The following DISC1 variants were observed in gnomAD, a reference collection of about 807,000 sequenced individuals.
DISC1 encodes DISC1 scaffold protein.
A neutral mutation model predicts 84.5 loss-of-function variants in DISC1; 57 were observed. The observed-to-expected ratio is 0.67, with a 90% CI of 0.55 to 0.84. The LOEUF (loss-of-function observed/expected upper bound fraction) is 0.84, where lower values mean the gene tolerates loss of function less well. Among genes scored for constraint, DISC1 ranks in the 40% least tolerant of loss-of-function variants. The pLI, the probability that DISC1 is intolerant of heterozygous loss-of-function variation, is 0.00. For missense variants in DISC1, 1,000 were observed against 1,057.8 expected, an observed-to-expected ratio of 0.95 and a Z score of 0.76; for synonymous variants, 411 against 415.2, an observed-to-expected ratio of 0.99 and a Z score of 0.12.
chr1:231,645,069 C>T (rs969025552), intron 1 of DISC1, among the ~76,000 whole-genome samples: 1 of 152,086 alleles, frequency 6.6e-6, no homozygotes, highest in Non-Finnish European at 1.5e-5. Flanking sequence ...TTTTCTGGAT[C>T]CACATTTCTG....
chr1:231,986,618 CA>C (rs1476240691), intron 10 of DISC1, among the ~76,000 whole-genome samples: 1 of 152,182 alleles, frequency 6.6e-6, no homozygotes, highest in Non-Finnish European at 1.5e-5. Flanking sequence ...ATATTTGCTA[CA>C]AAATGTCTTT....
At chr1:231,906,886 TGAATAACTACATTACAAA>T (rs2088701006) in intron 9 of DISC1, among the ~76,000 whole-genome samples, 1 of 152,152 alleles carries the variant, frequency 6.6e-6, no homozygotes, top group African/African-American at 2.4e-5. Context: ...ATCCCATGAG[TGAATAACTACATTACAAA>T]TTTTGTCTCG....
At chr1:231,968,841 G>C (rs927985029) in intron 10 of DISC1, among the ~76,000 whole-genome samples, 5 of 152,066 alleles carry the variant, frequency 3.3e-5, no homozygotes, top group African/African-American at 1.2e-4. Context: ...CTAGATTCAA[G>C]GGTGGCCATT....
At chr1:231,752,523 A>G (rs2074718324) in intron 4 of DISC1, among the ~76,000 whole-genome samples, 1 of 152,206 alleles carries the variant, frequency 6.6e-6, no homozygotes, top group African/African-American at 2.4e-5. Context: ...GTCATCTTCC[A>G]CCAGGCCCTG....
intron 10 of DISC1, among the ~76,000 whole-genome samples, chr1:231,965,543 C>T (rs1660981436): frequency 6.6e-6 from 1 of 152,222 alleles, no homozygotes; most frequent in Admixed American, 6.5e-5. Flanking sequence ...TCTCCCACAG[C>T]CAGAATGACT....
At chr1:231,844,239 A>C (rs73091796) in intron 9 of DISC1, among the ~76,000 whole-genome samples, 17,351 of 152,232 alleles carry the variant, frequency 0.11, 1,189 homozygotes, top group African/African-American at 0.18. Context: ...TGGTTTTCAC[A>C]GCCCCTCTTC....
intron 9 of DISC1, among the ~76,000 whole-genome samples, chr1:231,918,674 A>G (rs1375866035): frequency 2.0e-5 from 3 of 152,178 alleles, no homozygotes; most frequent in African/African-American, 7.2e-5. Context: ...TTAGGAGAAA[A>G]ATATCTCTTT....
chr1:231,699,813 T>C (rs910641562), intron 2 of DISC1, among the ~76,000 whole-genome samples: 1 of 152,240 alleles, frequency 6.6e-6, no homozygotes, highest in African/African-American at 2.4e-5. Context: ...ATGTCTCTTC[T>C]TGACACAGTC....
chr1:231,998,097 T>G (rs1463085415), intron 10 of DISC1, among the ~76,000 whole-genome samples: 14 of 152,134 alleles, frequency 9.2e-5, no homozygotes, highest in Non-Finnish European at 1.9e-4. Context: ...AATCAAAGAA[T>G]GCAAAGTTTA....
At chr1:231,780,252 G>GAAAAAAAAAAAAAAAAAAAAA (rs34768925) in intron 6 of DISC1, among the ~76,000 whole-genome samples, 7 of 120,232 alleles carry the variant, frequency 5.8e-5, no homozygotes, top group Non-Finnish European at 1.0e-4. Flanking sequence ...AAAAAAAAAA[G>GAAAAAAAAAAAAAAAAAAAAA]AAAAGGAAAG....
chr1:231,960,245 C>CTTATTTAT (rs541805835), intron 10 of DISC1, among the ~76,000 whole-genome samples: 1 of 151,860 alleles, frequency 6.6e-6, no homozygotes, highest in African/African-American at 2.4e-5. Flanking sequence ...TTACCTTCTT[C>CTTATTTAT]TTATTTATTT....
intron 6 of DISC1, among the ~76,000 whole-genome samples, chr1:231,783,365 G>A (rs2077577804): frequency 6.6e-6 from 1 of 152,144 alleles, no homozygotes; most frequent in Non-Finnish European, 1.5e-5. Flanking sequence ...TGAGGAAGGG[G>A]TAGAAAGGAG....
chr1:231,647,176 C>T (rs1368853618), intron 1 of DISC1, among the ~76,000 whole-genome samples: 2 of 152,122 alleles, frequency 1.3e-5, no homozygotes, highest in Non-Finnish European at 2.9e-5. Flanking sequence ...AGGTTTTCTT[C>T]TAGGGTTTTT....
intron 3 of DISC1, among the ~76,000 whole-genome samples, chr1:231,715,810 AT>A (rs1394232315): frequency 6.6e-6 from 1 of 152,138 alleles, no homozygotes; most frequent in African/African-American, 2.4e-5. Context: ...ATTTTAGTAT[AT>A]TGTTAGTTGA....
intron 6 of DISC1, among the ~76,000 whole-genome samples, chr1:231,779,022 C>T (rs1424920163): frequency 6.6e-6 from 1 of 152,148 alleles, no homozygotes; most frequent in Non-Finnish European, 1.5e-5. Context: ...AACAGACTCT[C>T]GGTGGCAATA....
intron 4 of DISC1, chr1:231,750,404 G>T: frequency 9.0e-7 from 1 of 1,116,968 alleles, no homozygotes; most frequent in Non-Finnish European, 1.1e-6. Flanking sequence ...GCAGCTTGGT[G>T]TCCTGTGATC....
At chr1:231,783,117 T>A (rs1053586863) in intron 6 of DISC1, among the ~76,000 whole-genome samples, 7 of 152,270 alleles carry the variant, frequency 4.6e-5, no homozygotes, top group East Asian at 3.9e-4. Context: ...AGCCTGGATG[T>A]AGTATCATTT....
chr1:231,789,751 AATTCC>A (rs1394613310), intron 6 of DISC1, among the ~76,000 whole-genome samples: 1 of 152,088 alleles, frequency 6.6e-6, no homozygotes, highest in Non-Finnish European at 1.5e-5. Context: ...TATTGACTTA[AATTCC>A]ATTTGCCCTT....
intron 1 of DISC1, 96 bp from the exon 2 acceptor site, chr1:231,693,730 G>C (rs2065313570): frequency 1.3e-6 from 2 of 1,586,536 alleles, no homozygotes; most frequent in East Asian, 2.2e-5. Flanking sequence ...TGTACTGAGA[G>C]ATGACCTTTA....
Sources: gnomAD v4.1 joint callset for allele counts (sites outside exome capture counted in the v4.1 genomes callset) on GRCh38, gnomAD v4.1.1 for gene constraint, MANE v1.5 for transcripts, NCBI Gene and HGNC (gene_info 2026-07-23, HGNC 2026-07-21) for gene names.